Variants in WDR49 observed in about 807,000 individuals in gnomAD.
WDR49 encodes cilia- and flagella-associated protein 337.
In WDR49, 107 loss-of-function variants were observed where a neutral mutation model predicts 119.5. That is an observed-to-expected ratio of 0.90 (90% CI 0.77 to 1.05). The LOEUF is 1.05. WDR49 is among the 50% of genes least tolerant of loss of function. WDR49 has a pLI of 0.00. For missense variants in WDR49, 1,240 were observed against 1,220.5 expected (o/e 1.02, Z -0.24); for synonymous variants, 425 against 418.8 (o/e 1.01, Z -0.18).
At chr3:167,562,361 G>GA (rs1240072725) in intron 8 of WDR49, among the ~76,000 whole-genome samples, 1 of 152,126 alleles carries the variant, frequency 6.6e-6, no homozygotes, top group Non-Finnish European at 1.5e-5. Flanking sequence ...GGGAGCAACT[G>GA]AAAGACAGGG....
intron 16 of WDR49, among the ~76,000 whole-genome samples, chr3:167,515,887 G>C (rs1426143440): frequency 1.3e-5 from 2 of 152,054 alleles, no homozygotes; most frequent in African/African-American, 4.8e-5. Context: ...ATTAACAATC[G>C]CTACAGAGAA....
At chr3:167,505,686 G>T (rs572112344) in intron 16 of WDR49, among the ~76,000 whole-genome samples, 1 of 152,214 alleles carries the variant, frequency 6.6e-6, no homozygotes, top group African/African-American at 2.4e-5. Context: ...CAAGGTTAGA[G>T]AAAAAATTAT....
At chr3:167,531,003 A>G in intron 13 of WDR49, 112 bp downstream of exon 13, 1 of 1,111,468 alleles carries the variant, frequency 9.0e-7, no homozygotes, top group Non-Finnish European at 1.3e-6. Flanking sequence ...TTGACACACT[A>G]CTGACTGGTT....
At chr3:167,566,613 C>T (rs1204082395) in intron 8 of WDR49, among the ~76,000 whole-genome samples, 1 of 151,928 alleles carries the variant, frequency 6.6e-6, no homozygotes, top group African/African-American at 2.4e-5. Flanking sequence ...AGATGCCTAC[C>T]TGCCACACAG....
chr3:167,515,628 T>C (rs918616354), intron 16 of WDR49, among the ~76,000 whole-genome samples: 2 of 152,178 alleles, frequency 1.3e-5, no homozygotes, highest in African/African-American at 4.8e-5. Flanking sequence ...GTATTGGAAG[T>C]TCTGGCCAGG....
intron 8 of WDR49, among the ~76,000 whole-genome samples, chr3:167,561,124 A>C (rs553944937): frequency 2.9e-4 from 44 of 152,334 alleles, no homozygotes; most frequent in African/African-American, 1.0e-3. Context: ...TATAAATGTA[A>C]ATGTATTAAC....
chr3:167,640,669 T>A (rs1354995140), intron 2 of WDR49, among the ~76,000 whole-genome samples: 1 of 151,900 alleles, frequency 6.6e-6, no homozygotes, highest in Non-Finnish European at 1.5e-5. Flanking sequence ...ATCTGAGTTA[T>A]GTGCAAGACC....
In WDR49 at chr3:167,527,955, G is replaced by A; in HGVS notation, c.2469C>T (p.Phe823=). Residue 823 remains phenylalanine (F), a synonymous_variant, in exon 15 of 19, where the codon TTC becomes TTT. Transcript: ENST00000682715. Reference sequence around the variant, plus strand: ...AACTTATTCGGTCCTCATGAGGTTGGAATGATCTTATCAGAGTTGGGGCCT... The same window carrying A: ...AACTTATTCGGTCCTCATGAGGTTGAAATGATCTTATCAGAGTTGGGGCCT... ...ITKAPTLIRS[F]QPHEDRISSL... 1 of 1,613,288 alleles carries A rather than the reference G, an allele frequency of 6.2e-7. No individual in the cohort carries two copies. The highest frequency in any genetic ancestry group is 8.5e-7 in the Non-Finnish European group (1 of 1,179,554).
intron 8 of WDR49, among the ~76,000 whole-genome samples, chr3:167,564,193 G>T (rs1001587276): frequency 6.6e-6 from 1 of 152,170 alleles, no homozygotes; most frequent in African/African-American, 2.4e-5. Context: ...ATCTAAGTCA[G>T]TCATGACAAC....
At chr3:167,563,490 G>A (rs1167238586) in intron 8 of WDR49, among the ~76,000 whole-genome samples, 1 of 151,732 alleles carries the variant, frequency 6.6e-6, no homozygotes, top group African/African-American at 2.4e-5. Context: ...TCATGAAAGT[G>A]TAATTTTCCA....
In WDR49 at chr3:167,505,420, G is replaced by T. The variant is rs753006694; in HGVS notation, c.2775-4C>A. The T allele has an allele frequency of 6.6e-6, 10 of 1,509,824 alleles. No individual in the cohort carries two copies. The African/African-American group carries it at 1.2e-4, about 17-fold the overall frequency. The allele number at this position is 1,509,824 out of a possible 1,614,324, so 93.5% of individuals were successfully genotyped here. On this transcript the variant is annotated splice_polypyrimidine_tract_variant and splice_region_variant and intron_variant, in intron 16 of 18. Coordinates refer to ENST00000682715, the MANE Select transcript of WDR49 (RefSeq NM_001366157.1). Reference sequence around the variant, plus strand: ...TATATCTTCTGATGGTCTGACACTGGAAGAAAATATTTCATGATGAAATAC... The same window carrying T: ...TATATCTTCTGATGGTCTGACACTGTAAGAAAATATTTCATGATGAAATAC...
chr3:167,638,710 T>C lies in WDR49; in HGVS notation c.166-11418A>G, dbSNP rs546068323. ...AAATTACTCTGCTAGTCAAGGTCCATAGCGCTCTTTTTTTCTTGCTTCAAT... is the reference window on the plus strand; with the variant it reads ...AAATTACTCTGCTAGTCAAGGTCCACAGCGCTCTTTTTTTCTTGCTTCAAT... On this transcript the variant is annotated intron_variant, in intron 2 of 18. Transcript: ENST00000682715. 4.0e-5 allele frequency among the ~76,000 whole-genome samples: 6 copies of C among 151,778 alleles called. No homozygotes were observed. In the East Asian group the frequency reaches 1.2e-3, roughly 29 times the overall value.
intron 9 of WDR49, among the ~76,000 whole-genome samples, chr3:167,556,394 T>A (rs1013450231): frequency 2.6e-5 from 4 of 152,178 alleles, no homozygotes; most frequent in African/African-American, 9.7e-5. Flanking sequence ...AAACCTCCTG[T>A]TGATGGTGGG....
intron 16 of WDR49, among the ~76,000 whole-genome samples, chr3:167,513,868 C>T (rs1009580873): frequency 6.6e-6 from 1 of 152,106 alleles, no homozygotes; most frequent in African/African-American, 2.4e-5. Context: ...CAAAAAAAGG[C>T]ATTACATAAT....
In WDR49 at chr3:167,653,302, G is replaced by A; in HGVS notation, c.124C>T (p.Leu42Phe). The change falls in exon 2 of 19, where the codon CTC becomes TTC. Residue 42 changes from leucine to phenylalanine, a missense_variant. By Grantham distance (22) the Leu-to-Phe change is conservative. Coordinates refer to ENST00000682715, the MANE Select transcript of WDR49 (RefSeq NM_001366157.1). ...ATTTTTACAAAGTCACCCACGCTGAGTTGGTTTTCAAGCAGGCCTGTGCCA... is the reference window on the plus strand; with the variant it reads ...ATTTTTACAAAGTCACCCACGCTGAATTGGTTTTCAAGCAGGCCTGTGCCA... ...DYGTGLLENQ[L>F]SVGDFVKIQK... 6.5e-7 allele frequency: 1 copy of A among 1,536,156 alleles called. No homozygotes were observed. Among genetic ancestry groups the A allele is most frequent in the Non-Finnish European group, 8.7e-7 (1 of 1,146,912 alleles).
At chr3:167,588,301 G>C (rs1185747698) in intron 7 of WDR49, among the ~76,000 whole-genome samples, 3 of 152,092 alleles carry the variant, frequency 2.0e-5, no homozygotes, top group Non-Finnish European at 4.4e-5. Flanking sequence ...TTTTATGACT[G>C]AGTAGTACTC....
chr3:167,605,123 C>T (rs1052240939), intron 5 of WDR49, among the ~76,000 whole-genome samples: 2 of 151,506 alleles, frequency 1.3e-5, no homozygotes, highest in South Asian at 4.2e-4. Context: ...CACACACACA[C>T]ACACATACAC....
intron 10 of WDR49, among the ~76,000 whole-genome samples, chr3:167,552,802 T>C (rs1712652221): frequency 6.6e-6 from 1 of 152,090 alleles, no homozygotes. Context: ...ATAAATCAGA[T>C]GGCATATTTA....
chr3:167,580,716 C>A (rs1714488191), intron 7 of WDR49, among the ~76,000 whole-genome samples: 2 of 152,062 alleles, frequency 1.3e-5, no homozygotes, highest in South Asian at 4.1e-4. Flanking sequence ...TTAATCAAGT[C>A]CTTTGACAAA....
Sources: gnomAD v4.1 joint callset for allele counts (sites outside exome capture counted in the v4.1 genomes callset) on GRCh38, gnomAD v4.1.1 for gene constraint, MANE v1.5 for transcripts, NCBI Gene and HGNC (gene_info 2026-07-23, HGNC 2026-07-21) for gene names.